NOTCH2: variants seen among roughly 807,000 people sequenced by gnomAD.
NOTCH2 encodes the protein notch receptor 2, also known as neurogenic locus notch homolog protein 2.
In NOTCH2, 29 loss-of-function variants were observed where a neutral mutation model predicts 235.8. The ratio of observed to expected loss-of-function variants is 0.12; its 90% CI spans 0.09 to 0.17. NOTCH2 has a LOEUF of 0.17. Ranked by LOEUF, NOTCH2 falls within the 10% of genes least tolerant of loss-of-function variation. The pLI, the probability that NOTCH2 is intolerant of heterozygous loss-of-function variation, is 1.00. For missense variants in NOTCH2, 2,285 were observed against 3,150.2 expected (o/e 0.73, Z 6.57); for synonymous variants, 1,086 against 1,141.5 (o/e 0.95, Z 0.98).
rs587603667 is a variant in NOTCH2, at chr1:120,048,703, C to A, written c.74-18716G>T. On this transcript the variant is annotated intron_variant, in intron 1 of 33. Coordinates refer to ENST00000256646, the MANE Select transcript of NOTCH2 (RefSeq NM_024408.4). The stretch of plus-strand genomic sequence containing the variant: ...TGTCAAGCGATCCTCCTGCCTCAGA[C>A]TCCCAAAGCACTGCGATTACAGGTG... Among the ~76,000 whole-genome samples the A allele has an allele frequency of 3.6e-5, 5 of 137,556 alleles. No individual in the cohort carries two copies. The South Asian group carries it at 1.3e-3, about 36-fold the overall frequency. The allele number at this position is 137,556 out of a possible 152,430, so 90.2% of individuals were successfully genotyped here.
chr1:120,015,818 C>T (rs1360330557), intron 2 of NOTCH2, among the ~76,000 whole-genome samples: 7 of 141,316 alleles, frequency 5.0e-5, no homozygotes, highest in African/African-American at 1.8e-4. Flanking sequence ...CTAGGTTATG[C>T]TAATTACCAA....
At chr1:120,063,314 A>G (rs1655380409) in intron 1 of NOTCH2, among the ~76,000 whole-genome samples, 1 of 152,094 alleles carries the variant, frequency 6.6e-6, no homozygotes, top group South Asian at 2.1e-4. Flanking sequence ...ATCTGAGGGA[A>G]ACTGCCGACA....
At chr1:119,932,568 C>CA (rs1183669969) in intron 22 of NOTCH2, among the ~76,000 whole-genome samples, 1 of 152,014 alleles carries the variant, frequency 6.6e-6, no homozygotes, top group Admixed American at 6.6e-5. Context: ...GCCTGGGCAA[C>CA]AAGAGCAAAA....
chr1:120,067,480 A>T (rs587608896), intron 1 of NOTCH2, among the ~76,000 whole-genome samples: 1 of 152,348 alleles, frequency 6.6e-6, no homozygotes, highest in Non-Finnish European at 1.5e-5. Context: ...CTGATATCAT[A>T]TTATTTAATA....
intron 3 of NOTCH2, among the ~76,000 whole-genome samples, chr1:120,000,760 CA>C: frequency 6.6e-6 from 1 of 151,652 alleles, no homozygotes; most frequent in African/African-American, 2.4e-5. Context: ...AACTGACAAT[CA>C]GGAAGAAATT....
At chr1:119,921,643 C>A (rs1437712454) in intron 29 of NOTCH2, 70 bp downstream of exon 29, 1 of 1,298,144 alleles carries the variant, frequency 7.7e-7, no homozygotes, top group Non-Finnish European at 1.1e-6. Context: ...CACTCTGGAG[C>A]TAAAGGACAG....
At chr1:120,068,667 T>C (rs2101447356) in intron 1 of NOTCH2, 1 of 294,562 alleles carries the variant, frequency 3.4e-6, no homozygotes, top group East Asian at 6.0e-5. Flanking sequence ...GTTGAGATTT[T>C]TAAATCATGT....
chr1:119,932,622 T>TCTAA (rs1434088597), intron 22 of NOTCH2, among the ~76,000 whole-genome samples: 2 of 151,682 alleles, frequency 1.3e-5, no homozygotes, highest in East Asian at 3.9e-4. Flanking sequence ...TATCTATCTA[T>TCTAA]CTATCTATCT....
chr1:119,975,736 T>C (rs1299797167), intron 5 of NOTCH2, among the ~76,000 whole-genome samples: 2 of 151,686 alleles, frequency 1.3e-5, no homozygotes, highest in Non-Finnish European at 2.9e-5. Flanking sequence ...ATAGAAACCA[T>C]GGCCTGGGCC....
In NOTCH2 at chr1:119,925,292, G is replaced by A. The variant is rs770885055; in HGVS notation, c.4511+13C>T. On this transcript the variant is annotated intron_variant, in intron 25 of 33. Coordinates refer to ENST00000256646, the MANE Select transcript of NOTCH2 (RefSeq NM_024408.4). ...ACAGTCCCCTTCAGTTCTGGAAAAC[G>A]TGAAGCCCTTACTTGCATGTCTTGC... The A allele has an allele frequency of 6.0e-5, 97 of 1,613,072 alleles. No individual in the cohort carries two copies. The South Asian group carries it at 9.0e-4, about 15-fold the overall frequency.
At position 119,950,499 on chromosome 1, in the gene NOTCH2, T is replaced by C. The variant is rs782788145; in HGVS notation, c.2479+225A>G. The C allele has an allele frequency of 1.3e-4, 89 of 673,370 alleles. 3 individuals carry two copies. The highest frequency in any genetic ancestry group is 2.1e-4 in the Non-Finnish European group (78 of 366,816). 41.7% of individuals were successfully genotyped at this position (673,370 alleles called of 1,614,324 possible). ...CAATTAAAAAAAAATTTCTTTCAAA[T>C]ACTAAAGTACAATGTAGGCAAATGA... On this transcript the variant is annotated intron_variant, in intron 15 of 33. Transcript: ENST00000256646.
At chr1:119,945,593 A>G (rs1314985815) in intron 17 of NOTCH2, among the ~76,000 whole-genome samples, 5 of 152,106 alleles carry the variant, frequency 3.3e-5, no homozygotes, top group Non-Finnish European at 5.9e-5. Flanking sequence ...AGTAGACTTC[A>G]GAGAGAGAAA....
At chr1:120,057,357 C>T (rs1388280870) in intron 1 of NOTCH2, among the ~76,000 whole-genome samples, 10 of 121,894 alleles carry the variant, frequency 8.2e-5, no homozygotes, top group East Asian at 2.0e-4. Context: ...CCCAAAGACA[C>T]GGGGCTAGTA....
At position 119,960,725 on chromosome 1, in the gene NOTCH2, G is replaced by A. The variant is rs587727976; in HGVS notation, c.1916-1223C>T. Among the ~76,000 whole-genome samples the A allele has an allele frequency of 1.4e-4, 21 of 151,842 alleles. No homozygotes were observed. The South Asian group carries it at 4.4e-3, about 32-fold the overall frequency. ...GTCCTGATCTGTCACCCAGACTGGA[G>A]AGCAATGACACGAGCACAGCTCCCT... On this transcript the variant is annotated intron_variant, in intron 11 of 33. Transcript: ENST00000256646.
At chr1:119,944,380 A>C (rs1270288688) in intron 17 of NOTCH2, among the ~76,000 whole-genome samples, 2 of 151,932 alleles carry the variant, frequency 1.3e-5, no homozygotes, top group African/African-American at 4.8e-5. Context: ...CTAAAAATAC[A>C]AAAAATCAGC....
At chr1:120,011,321 G>A (rs587727796) in intron 2 of NOTCH2, among the ~76,000 whole-genome samples, 2 of 152,076 alleles carry the variant, frequency 1.3e-5, no homozygotes, top group South Asian at 4.2e-4. Context: ...CAATTTCCAG[G>A]TTATCTCTAC....
intron 5 of NOTCH2, among the ~76,000 whole-genome samples, chr1:119,972,708 C>T (rs140576508): frequency 6.6e-4 from 101 of 152,262 alleles, no homozygotes; most frequent in African/African-American, 2.2e-3. Flanking sequence ...TAAAAATTGT[C>T]TCATTTATAT....
intron 31 of NOTCH2, 90 bp from the exon 32 acceptor site, chr1:119,918,643 G>T: frequency 7.5e-7 from 1 of 1,330,156 alleles, no homozygotes; most frequent in South Asian, 1.2e-5. Flanking sequence ...CAGAGCTGAG[G>T]CTACAGTGTA....
At chr1:119,961,074 C>T (rs1490532588) in intron 11 of NOTCH2, among the ~76,000 whole-genome samples, 1 of 152,130 alleles carries the variant, frequency 6.6e-6, no homozygotes, top group Non-Finnish European at 1.5e-5. Flanking sequence ...CCCTGTCACC[C>T]ACCCTGCACA....
Sources: allele counts gnomAD v4.1 joint callset (sites outside exome capture counted in the v4.1 genomes callset), GRCh38; gene constraint gnomAD v4.1.1; transcripts MANE v1.5; gene names NCBI Gene and HGNC (gene_info 2026-07-23, HGNC 2026-07-21).